Variants in DCC observed in about 807,000 individuals in gnomAD.
DCC encodes netrin receptor DCC.
DCC carries 58 observed loss-of-function variants against 172.5 expected under a neutral mutation model. The observed-to-expected ratio is 0.34, with a 90% CI of 0.27 to 0.42. The LOEUF is 0.42. Among genes scored for constraint, DCC ranks in the 10% least tolerant of loss-of-function variants. The pLI is 1.00. For synonymous variants in DCC, 709 were observed against 644.5 expected, an observed-to-expected ratio of 1.10 and a Z score of -1.52; for missense variants, 1,740 against 1,791.0, an observed-to-expected ratio of 0.97 and a Z score of 0.51.
chr18:52,390,059 G>C (rs992076527), intron 1 of DCC, among the ~76,000 whole-genome samples: 1 of 151,916 alleles, frequency 6.6e-6, no homozygotes, highest in South Asian at 2.1e-4. Flanking sequence ...TTTGGGGAGA[G>C]GATGTTTCTT....
At chr18:52,611,800 A>C (rs1355921842) in intron 1 of DCC, among the ~76,000 whole-genome samples, 1 of 152,178 alleles carries the variant, frequency 6.6e-6, no homozygotes, top group Non-Finnish European at 1.5e-5. Flanking sequence ...ATTACATGAT[A>C]TACTACATGG....
intron 1 of DCC, among the ~76,000 whole-genome samples, chr18:52,515,396 A>C (rs2031592675): frequency 6.6e-6 from 1 of 151,834 alleles, no homozygotes; most frequent in Non-Finnish European, 1.5e-5. Context: ...TCACAAGGTC[A>C]AGAGATCGAG....
chr18:52,721,380 A>G (rs1250280623), intron 1 of DCC, among the ~76,000 whole-genome samples: 3 of 152,184 alleles, frequency 2.0e-5, no homozygotes, highest in African/African-American at 7.2e-5. Flanking sequence ...ATGATATTAT[A>G]AACAAACTTT....
chr18:53,077,705 A>G (rs1052302666), intron 7 of DCC, among the ~76,000 whole-genome samples: 2 of 152,154 alleles, frequency 1.3e-5, no homozygotes, highest in Admixed American at 6.5e-5. Context: ...CTAGCAAAAC[A>G]TCTGACTTTT....
intron 3 of DCC, among the ~76,000 whole-genome samples, chr18:52,910,260 C>A (rs942213767): frequency 1.3e-5 from 2 of 152,086 alleles, no homozygotes; most frequent in Non-Finnish European, 2.9e-5. Flanking sequence ...TAGCATTTTT[C>A]ATTGAGACTG....
intron 1 of DCC, among the ~76,000 whole-genome samples, chr18:52,367,253 C>A (rs951409808): frequency 6.6e-6 from 1 of 152,218 alleles, no homozygotes; most frequent in Admixed American, 6.5e-5. Flanking sequence ...CCGCAAGTGC[C>A]GCACGCAGCC....
chr18:52,922,033 C>G (rs2040134788), intron 3 of DCC, among the ~76,000 whole-genome samples: 1 of 151,774 alleles, frequency 6.6e-6, no homozygotes, highest in Non-Finnish European at 1.5e-5. Flanking sequence ...GTCTTTCAAA[C>G]CATATTTGCG....
intron 1 of DCC, among the ~76,000 whole-genome samples, chr18:52,683,109 T>C (rs2035775522): frequency 6.6e-6 from 1 of 152,074 alleles, no homozygotes. Context: ...CATGTGGTTC[T>C]AAGTGCCATT....
intron 2 of DCC, among the ~76,000 whole-genome samples, chr18:52,858,125 C>T (rs2039082034): frequency 6.6e-6 from 1 of 152,188 alleles, no homozygotes; most frequent in African/African-American, 2.4e-5. Flanking sequence ...TCTGTTCATG[C>T]AGTAGTTGAC....
chr18:52,563,784 C>G (rs1388744128), intron 1 of DCC, among the ~76,000 whole-genome samples: 1 of 152,132 alleles, frequency 6.6e-6, no homozygotes, highest in African/African-American at 2.4e-5. Flanking sequence ...TTAGCACTTC[C>G]TGTTTCCTGG....
intron 1 of DCC, among the ~76,000 whole-genome samples, chr18:52,598,111 G>T (rs1001486658): frequency 1.3e-5 from 2 of 152,110 alleles, no homozygotes; most frequent in Non-Finnish European, 2.9e-5. Flanking sequence ...ATGACCTTGT[G>T]TGGCCCTTAA....
intron 14 of DCC, among the ~76,000 whole-genome samples, chr18:53,338,346 G>T (rs964432260): frequency 6.6e-6 from 1 of 152,210 alleles, no homozygotes; most frequent in South Asian, 2.1e-4. Context: ...GCTCAAGCCT[G>T]TAATCCCAGA....
chr18:53,372,656 C>T (rs142368636), intron 15 of DCC, among the ~76,000 whole-genome samples: 120 of 152,164 alleles, frequency 7.9e-4, no homozygotes, highest in African/African-American at 2.7e-3. Context: ...ATATAATTTA[C>T]ATTTGCAAAT....
intron 5 of DCC, among the ~76,000 whole-genome samples, chr18:52,958,025 C>G (rs2145562233): frequency 6.6e-6 from 1 of 152,154 alleles, no homozygotes; most frequent in East Asian, 1.9e-4. Context: ...ACTATAATCT[C>G]CTGAATTAGA....
chr18:53,047,459 A>AAAC (rs2042268107), intron 5 of DCC, among the ~76,000 whole-genome samples: 1 of 104,548 alleles, frequency 9.6e-6, no homozygotes, highest in Non-Finnish European at 1.9e-5. Flanking sequence ...ATATATATAT[A>AAAC]TATACCATTT....
chr18:52,793,673 G>T (rs546917867), intron 2 of DCC, among the ~76,000 whole-genome samples: 186 of 152,228 alleles, frequency 1.2e-3, no homozygotes, highest in Middle Eastern at 3.4e-3. Context: ...TTTTGGTTTT[G>T]TTGCCTGTAT....
At chr18:52,420,006 T>C (rs1004853625) in intron 1 of DCC, among the ~76,000 whole-genome samples, 2 of 152,170 alleles carry the variant, frequency 1.3e-5, no homozygotes, top group African/African-American at 4.8e-5. Flanking sequence ...GTCCCCTCCT[T>C]GGAAGAGGCA....
At chr18:52,450,075 G>C (rs1200536195) in intron 1 of DCC, among the ~76,000 whole-genome samples, 1 of 152,150 alleles carries the variant, frequency 6.6e-6, no homozygotes, top group Non-Finnish European at 1.5e-5. Context: ...TATTATGGAA[G>C]ACAGAATAAT....
chr18:52,867,733 G>C (rs2039250796), intron 2 of DCC, among the ~76,000 whole-genome samples: 1 of 151,934 alleles, frequency 6.6e-6, no homozygotes, highest in South Asian at 2.1e-4. Context: ...GTGATATCTT[G>C]ACTATCAGCT....
Sources: allele counts gnomAD v4.1 joint callset (sites outside exome capture counted in the v4.1 genomes callset), GRCh38; gene constraint gnomAD v4.1.1; transcripts MANE v1.5; gene names NCBI Gene and HGNC (gene_info 2026-07-23, HGNC 2026-07-21).